Variants in RSPO4 observed in about 807,000 individuals in gnomAD.
RSPO4 encodes R-spondin-4.
A neutral mutation model predicts 24.8 loss-of-function variants in RSPO4; 23 were observed. The observed-to-expected ratio is 0.93, with a 90% CI of 0.67 to 1.31. The LOEUF is 1.31. Among genes scored for constraint, RSPO4 ranks in the 40% most tolerant of loss-of-function variants. The probability of loss-of-function intolerance (pLI) is 0.00; values close to 1 mark genes in which losing one functional copy is unlikely to be tolerated. For synonymous variants in RSPO4, 141 were observed against 127.4 expected (o/e 1.11, Z -0.72); for missense variants, 333 against 316.5 (o/e 1.05, Z -0.39).
chr20:968,038 C>G lies in RSPO4; in HGVS notation c.180G>C (p.Arg60=), dbSNP rs928457646. The G allele has an allele frequency of 6.2e-6, 10 of 1,614,106 alleles. No homozygotes were observed. Among genetic ancestry groups the G allele is most frequent in the Admixed American group, 1.7e-5 (1 of 60,002 alleles). ...CQQRLFLFIR[R]EGIRQYGKCL... ...ACTTGCCGTACTGGCGGATGCCTTC[C>G]CGGCGGATGAACAGGAAGAGCCTCT... Residue 60 remains arginine, a synonymous_variant, in exon 2 of 5, where the codon CGG becomes CGC. Coordinates refer to ENST00000217260, the MANE Select transcript of RSPO4 (RefSeq NM_001029871.4).
intron 1 of RSPO4, among the ~76,000 whole-genome samples, chr20:995,521 C>A (rs553962549): frequency 7.5e-4 from 114 of 151,810 alleles, no homozygotes; most frequent in African/African-American, 2.7e-3. Context: ...AGATTTAGGG[C>A]CCCGACACAT....
At chr20:1,000,041 G>A (rs1420424684) in intron 1 of RSPO4, among the ~76,000 whole-genome samples, 2 of 152,024 alleles carry the variant, frequency 1.3e-5, no homozygotes, top group African/African-American at 2.4e-5. Flanking sequence ...GCTAATCATT[G>A]TATTTTTAGT....
intron 1 of RSPO4, among the ~76,000 whole-genome samples, chr20:991,232 C>G (rs1985091261): frequency 6.6e-6 from 1 of 152,210 alleles, no homozygotes; most frequent in South Asian, 2.1e-4. Context: ...AGAGTCAATG[C>G]ACCTGGCTCT....
At chr20:979,491 C>T (rs1404840341) in intron 1 of RSPO4, among the ~76,000 whole-genome samples, 1 of 152,226 alleles carries the variant, frequency 6.6e-6, no homozygotes, top group African/African-American at 2.4e-5. Context: ...CTGCGGGTTT[C>T]ACTTTTCCTC....
chr20:967,135 G>A (rs1323828033), intron 3 of RSPO4, 39 bp downstream of exon 3: 1 of 1,600,738 alleles, frequency 6.2e-7, no homozygotes, highest in South Asian at 1.1e-5. Context: ...TCCAGGGAGA[G>A]GGGAGGGGCA....
intron 3 of RSPO4, among the ~76,000 whole-genome samples, 185 bp from the exon 4 acceptor site, chr20:964,305 G>C (rs570535772): frequency 3.9e-5 from 6 of 152,328 alleles, no homozygotes; most frequent in African/African-American, 1.4e-4. Context: ...TGCATGCACA[G>C]ACTAATATGG....
At position 964,089 on chromosome 20, in the gene RSPO4, C is replaced by A. The variant is rs909794974; in HGVS notation, c.441G>T (p.Trp147Cys). Residue 147 changes from tryptophan to cysteine, a missense_variant, in exon 4 of 5, where the codon TGG (tryptophan) becomes TGT (cysteine). Coordinates refer to ENST00000217260, the MANE Select transcript of RSPO4 (RefSeq NM_001029871.4). ...GECELGPWGGWSPCTHNGKTC... is the reference protein window; with the variant it reads ...GECELGPWGGCSPCTHNGKTC... ...TCTTTCCATTGTGTGTGCAGGGGCT[C>A]CAGCCGCCCCAGGGACCCAGTTCAC... 1.2e-6 allele frequency: 2 copies of A among 1,613,334 alleles called. No homozygotes were observed. The highest frequency in any genetic ancestry group is 1.7e-6 in the Non-Finnish European group (2 of 1,179,776).
chr20:960,604 C>T (rs926585986), intron 4 of RSPO4, 138 bp from the exon 5 acceptor site: 5 of 704,056 alleles, frequency 7.1e-6, no homozygotes, highest in African/African-American at 7.0e-5. Context: ...ACTGACCTTG[C>T]AGTCCCTCCT....
At chr20:990,536 T>TTC (rs1568929062) in intron 1 of RSPO4, among the ~76,000 whole-genome samples, 2 of 135,128 alleles carry the variant, frequency 1.5e-5, no homozygotes, top group African/African-American at 6.8e-5. Context: ...TTCCTTCCTT[T>TTC]CTTTTTCTTT....
intron 1 of RSPO4, among the ~76,000 whole-genome samples, chr20:977,900 C>G (rs1984615593): frequency 6.6e-6 from 1 of 152,134 alleles, no homozygotes; most frequent in Non-Finnish European, 1.5e-5. Context: ...TCACCGATGA[C>G]CAAGGGAAAT....
chr20:974,270 G>C (rs1984496135), intron 1 of RSPO4, among the ~76,000 whole-genome samples: 1 of 152,222 alleles, frequency 6.6e-6, no homozygotes, highest in Non-Finnish European at 1.5e-5. Flanking sequence ...CTTTCCCTGA[G>C]AACTGGCCCC....
At chr20:968,780 A>G (rs1984315658) in intron 1 of RSPO4, among the ~76,000 whole-genome samples, 1 of 152,228 alleles carries the variant, frequency 6.6e-6, no homozygotes, top group South Asian at 2.1e-4. Flanking sequence ...CACTGTCACC[A>G]TCAGCAAGGG....
At chr20:965,741 C>T (rs1484293125) in intron 3 of RSPO4, among the ~76,000 whole-genome samples, 3 of 152,108 alleles carry the variant, frequency 2.0e-5, no homozygotes, top group Non-Finnish European at 4.4e-5. Flanking sequence ...TTCATTTTCA[C>T]CCCAAAGTTC....
chr20:963,881 C>T, intron 4 of RSPO4, 54 bp downstream of exon 4: 1 of 1,573,120 alleles, frequency 6.4e-7, no homozygotes, highest in Non-Finnish European at 8.7e-7. Context: ...TGAGTCCGCC[C>T]TGTCCCTGTG....
At chr20:960,582 G>T in intron 4 of RSPO4, 116 bp from the exon 5 acceptor site, 1 of 765,926 alleles carries the variant, frequency 1.3e-6, no homozygotes, top group South Asian at 1.5e-5. Flanking sequence ...ACGGGGCTCA[G>T]AACATTTGGG....
chr20:990,145 T>C (rs1204182003), intron 1 of RSPO4, among the ~76,000 whole-genome samples: 1 of 152,206 alleles, frequency 6.6e-6, no homozygotes, highest in Non-Finnish European at 1.5e-5. Context: ...GCCTGCCTTG[T>C]GGTCCGTCAC....
At chr20:977,123 T>C (rs1828100823) in intron 1 of RSPO4, among the ~76,000 whole-genome samples, 1 of 151,176 alleles carries the variant, frequency 6.6e-6, no homozygotes, top group Non-Finnish European at 1.5e-5. Context: ...AGAGCAGGGG[T>C]TCTCAAACTT....
intron 1 of RSPO4, among the ~76,000 whole-genome samples, chr20:991,491 T>C (rs1201216531): frequency 6.6e-5 from 10 of 151,322 alleles, no homozygotes; most frequent in African/African-American, 2.4e-4. Context: ...GCCCTACAAA[T>C]TGACAAGAAA....
intron 1 of RSPO4, among the ~76,000 whole-genome samples, chr20:990,450 TTC>T (rs2122260904): frequency 6.6e-6 from 1 of 151,418 alleles, no homozygotes; most frequent in South Asian, 2.1e-4. Context: ...TTCTTTCTCT[TTC>T]TCTTTTCTTT....
Sources: allele counts gnomAD v4.1 joint callset (sites outside exome capture counted in the v4.1 genomes callset), GRCh38; gene constraint gnomAD v4.1.1; transcripts MANE v1.5; gene names NCBI Gene and HGNC (gene_info 2026-07-23, HGNC 2026-07-21).